MMS22L: variants seen among roughly 807,000 people sequenced by gnomAD.
The protein encoded by MMS22L is MMS22 like, DNA repair protein, also known as protein MMS22-like.
MMS22L carries 74 observed loss-of-function variants against 159.1 expected under a neutral mutation model. The ratio of observed to expected loss-of-function variants is 0.47; its 90% CI spans 0.39 to 0.56. The LOEUF (loss-of-function observed/expected upper bound fraction) is 0.56. MMS22L is among the 20% of genes least tolerant of loss of function. The probability of loss-of-function intolerance (pLI) is 0.00; values close to 1 mark genes in which losing one functional copy is unlikely to be tolerated. For missense variants in MMS22L, 1,351 were observed against 1,422.1 expected (o/e 0.95, Z 0.80); for synonymous variants, 517 against 506.9 (o/e 1.02, Z -0.27).
rs771888875 is a variant in MMS22L at position 97,165,378 on chromosome 6, T to C, written c.3089A>G (p.Tyr1030Cys). The change falls in exon 21 of 25, where the codon TAT becomes TGT. Residue 1030 changes from tyrosine to cysteine, a missense_variant. Physicochemically the swap from Tyr to Cys is radical, Grantham distance 194. Coordinates refer to ENST00000683635, the MANE Select transcript of MMS22L (RefSeq NM_001350599.2). ...TGAAGCTGGAAGAAATCGCCCAATA[T>C]ACTGCTCAATAACATTCCCTAGCAA... ...NQLLGNVIEQYIGRFLPASPY... is the reference protein window; with the variant it reads ...NQLLGNVIEQCIGRFLPASPY... The C allele has an allele frequency of 7.4e-6, 12 of 1,613,310 alleles. No individual in the cohort carries two copies. In the Admixed American group the frequency reaches 1.7e-4, roughly 22 times the overall value.
chr6:97,218,201 C>G (rs921627235), intron 14 of MMS22L, among the ~76,000 whole-genome samples: 1 of 152,026 alleles, frequency 6.6e-6, no homozygotes, highest in South Asian at 2.1e-4. Flanking sequence ...AAGAACAAAC[C>G]TCCTATCATC....
intron 24 of MMS22L, among the ~76,000 whole-genome samples, chr6:97,148,225 C>T (rs1801005461): frequency 6.6e-6 from 1 of 152,136 alleles, no homozygotes; most frequent in Non-Finnish European, 1.5e-5. Flanking sequence ...AAAAGTCTAG[C>T]ACACACAACT....
intron 14 of MMS22L, among the ~76,000 whole-genome samples, chr6:97,216,362 A>T (rs750589282): frequency 6.6e-6 from 1 of 152,008 alleles, no homozygotes; most frequent in Non-Finnish European, 1.5e-5. Context: ...CCTCACTGTC[A>T]TATTACATCA....
chr6:97,142,475 A>C lies in MMS22L; in HGVS notation c.*4331T>G, dbSNP rs1023101954. The C allele has an allele frequency of 6.6e-6, 1 of 152,560 alleles. No homozygotes were observed. The highest frequency in any genetic ancestry group is 2.4e-5 in the African/African-American group (1 of 41,458). The allele number at this position is 152,560 out of a possible 1,614,324, so 9.5% of individuals were successfully genotyped here. On this transcript the variant is annotated 3_prime_UTR_variant, in exon 25 of 25. Coordinates refer to ENST00000683635, the MANE Select transcript of MMS22L (RefSeq NM_001350599.2). ...AATAAAGCATATTATTTATATTGGC[A>C]TACTATACTCTTGCCTGACAGGCAA... is the stretch of plus-strand genomic sequence containing the variant.
rs906953300 is a variant in MMS22L, at chr6:97,254,794, G to A, written c.943-61C>T. 5.9e-6 allele frequency: 8 copies of A among 1,363,426 alleles called. No individual in the cohort carries two copies. The African/African-American group carries it at 1.0e-4, about 18-fold the overall frequency. 84.5% of individuals were successfully genotyped at this position (1,363,426 alleles called of 1,614,324 possible). On this transcript the variant is annotated intron_variant, in intron 9 of 24. Coordinates refer to ENST00000683635, the MANE Select transcript of MMS22L (RefSeq NM_001350599.2). ...AGTTTCAATAACCTTTGATTTCGTG[G>A]TTTTTCTCTATTTTTATAATGAAGC...
intron 18 of MMS22L, among the ~76,000 whole-genome samples, chr6:97,175,757 G>A (rs1215737351): frequency 6.6e-6 from 1 of 152,092 alleles, no homozygotes; most frequent in African/African-American, 2.4e-5. Context: ...ACAAATACAA[G>A]TTTCTCAAAA....
At chr6:97,181,316 C>G (rs1804682061) in intron 16 of MMS22L, among the ~76,000 whole-genome samples, 1 of 152,118 alleles carries the variant, frequency 6.6e-6, no homozygotes, top group South Asian at 2.1e-4. Flanking sequence ...TTCCTGACCA[C>G]TCTACACTAT....
intron 23 of MMS22L, chr6:97,151,502 G>A (rs537995254): frequency 1.3e-4 from 48 of 365,332 alleles, no homozygotes; most frequent in African/African-American, 9.6e-4. Context: ...TATCCCTATC[G>A]TTAAGAGACA....
intron 14 of MMS22L, among the ~76,000 whole-genome samples, chr6:97,198,574 A>G (rs1806797598): frequency 6.6e-6 from 1 of 152,188 alleles, no homozygotes; most frequent in Non-Finnish European, 1.5e-5. Flanking sequence ...TTCAAAGATG[A>G]AAAAGATGCA....
At chr6:97,194,185 G>C (rs567748605) in intron 14 of MMS22L, among the ~76,000 whole-genome samples, 1 of 152,288 alleles carries the variant, frequency 6.6e-6, no homozygotes, top group Admixed American at 6.5e-5. Context: ...AGCCTCCCGA[G>C]TAGCTGGAAC....
chr6:97,228,463 A>C (rs549452697), intron 14 of MMS22L, among the ~76,000 whole-genome samples: 2 of 152,352 alleles, frequency 1.3e-5, no homozygotes, highest in Non-Finnish European at 2.9e-5. Flanking sequence ...CTACAAGTGG[A>C]AAATTGTATC....
chr6:97,218,570 C>T (rs1317225293), intron 14 of MMS22L, among the ~76,000 whole-genome samples: 1 of 152,080 alleles, frequency 6.6e-6, no homozygotes, highest in Non-Finnish European at 1.5e-5. Context: ...TTCAAAAATA[C>T]TAGTTAAATT....
chr6:97,196,417 T>A (rs955594772), intron 14 of MMS22L, among the ~76,000 whole-genome samples: 6 of 152,220 alleles, frequency 3.9e-5, no homozygotes, highest in African/African-American at 1.2e-4. Flanking sequence ...GTGGTATTAC[T>A]AGTAGACGGT....
intron 4 of MMS22L, among the ~76,000 whole-genome samples, chr6:97,274,530 T>G (rs1471467616): frequency 6.6e-6 from 1 of 151,830 alleles, no homozygotes; most frequent in African/African-American, 2.4e-5. Context: ...CACAAGACAA[T>G]ATAAGATTGC....
At chr6:97,242,733 A>T (rs1383144719) in intron 11 of MMS22L, among the ~76,000 whole-genome samples, 1 of 152,174 alleles carries the variant, frequency 6.6e-6, no homozygotes, top group Non-Finnish European at 1.5e-5. Context: ...GAGGTTCAAG[A>T]TTTAGGTCTC....
At chr6:97,242,650 C>T (rs1482774510) in intron 11 of MMS22L, among the ~76,000 whole-genome samples, 3 of 151,934 alleles carry the variant, frequency 2.0e-5, no homozygotes, top group Non-Finnish European at 4.4e-5. Context: ...GCCTGAGTGC[C>T]TTTTTTCATT....
intron 22 of MMS22L, among the ~76,000 whole-genome samples, chr6:97,155,977 T>A (rs1460265130): frequency 1.3e-5 from 2 of 152,200 alleles, no homozygotes; most frequent in East Asian, 3.8e-4. Context: ...TTTCTCCACA[T>A]CCTCTCCAGC....
intron 14 of MMS22L, among the ~76,000 whole-genome samples, chr6:97,217,148 CTA>C (rs1259653303): frequency 6.6e-6 from 1 of 152,108 alleles, no homozygotes; most frequent in African/African-American, 2.4e-5. Context: ...TTGGTAATAA[CTA>C]TAAATCAGAA....
At chr6:97,252,252 T>TATACTAC (rs1298564157) in intron 10 of MMS22L, among the ~76,000 whole-genome samples, 37 of 152,180 alleles carry the variant, frequency 2.4e-4, no homozygotes, top group African/African-American at 8.2e-4. Flanking sequence ...AATATTAAAA[T>TATACTAC]ATACTACGCA....
Sources: allele counts gnomAD v4.1 joint callset (sites outside exome capture counted in the v4.1 genomes callset), GRCh38; gene constraint gnomAD v4.1.1; transcripts MANE v1.5; gene names NCBI Gene and HGNC (gene_info 2026-07-23, HGNC 2026-07-21).